RAB31: variants seen among roughly 807,000 people sequenced by gnomAD.
The protein encoded by RAB31 is ras-related protein Rab-31.
RAB31 carries 21 observed loss-of-function variants against 25.6 expected under a neutral mutation model. That is an observed-to-expected ratio of 0.82 (90% CI 0.58 to 1.18). The LOEUF (loss-of-function observed/expected upper bound fraction) is 1.18. Among genes scored for constraint, RAB31 ranks in the 50% most tolerant of loss-of-function variants. The pLI is 0.00. For synonymous variants in RAB31, 87 were observed against 84.0 expected, an observed-to-expected ratio of 1.04 and a Z score of -0.20; for missense variants, 196 against 250.1, an observed-to-expected ratio of 0.78 and a Z score of 1.46.
intron 2 of RAB31, among the ~76,000 whole-genome samples, chr18:9,776,941 G>A (rs374022773): frequency 5.3e-5 from 8 of 152,096 alleles, no homozygotes; most frequent in Admixed American, 1.3e-4. Flanking sequence ...CCAACATGAC[G>A]CTCAAAGGTA....
rs1372919746 is a variant in RAB31 at position 9,862,485 on chromosome 18, C to T, written c.*3160C>T. The T allele has an allele frequency of 6.6e-6, 1 of 152,218 alleles. No homozygotes were observed. The highest frequency in any genetic ancestry group is 2.4e-5 in the African/African-American group (1 of 41,444). The allele number at this position is 152,218 out of a possible 1,614,324, so 9.4% of individuals were successfully genotyped here. A position where few individuals can be genotyped will look rare whatever the true frequency, so the allele number is the denominator to read the frequency against. On this transcript the variant is annotated 3_prime_UTR_variant, in exon 7 of 7. Transcript: ENST00000578921. ...TAGTAAAGCATTTCCATCAACAATG[C>T]CTAATTGTATCTGTTATTTTTGGTT...
At chr18:9,852,029 T>C (rs2068791824) in intron 6 of RAB31, among the ~76,000 whole-genome samples, 1 of 151,940 alleles carries the variant, frequency 6.6e-6, no homozygotes, top group Admixed American at 6.6e-5. Context: ...AGGATACATA[T>C]CAAAATGTTA....
intron 1 of RAB31, among the ~76,000 whole-genome samples, chr18:9,712,606 C>G (rs1046455582): frequency 6.6e-6 from 1 of 152,192 alleles, no homozygotes; most frequent in African/African-American, 2.4e-5. Context: ...GAAAAGTTTC[C>G]CAGTATGCAT....
intron 4 of RAB31, 116 bp from the exon 5 acceptor site, chr18:9,815,000 C>A: frequency 2.8e-6 from 2 of 702,362 alleles, no homozygotes; most frequent in Non-Finnish European, 4.7e-6. Flanking sequence ...TGTTAATCTG[C>A]ATGAGTCTCC....
intron 6 of RAB31, among the ~76,000 whole-genome samples, chr18:9,852,722 A>G (rs1048517683): frequency 3.3e-5 from 5 of 152,150 alleles, no homozygotes; most frequent in Non-Finnish European, 7.3e-5. Flanking sequence ...ATTCATTTAC[A>G]AGTCTTTGTG....
intron 1 of RAB31, among the ~76,000 whole-genome samples, chr18:9,738,892 T>C (rs532510169): frequency 5.3e-5 from 8 of 152,270 alleles, no homozygotes; most frequent in East Asian, 1.9e-4. Flanking sequence ...AGCTTCACAA[T>C]TGAGTTGAAC....
chr18:9,740,599 G>A (rs909169399), intron 1 of RAB31, among the ~76,000 whole-genome samples: 22 of 152,092 alleles, frequency 1.4e-4, no homozygotes, highest in Non-Finnish European at 1.5e-5. Flanking sequence ...TGTAATCCCA[G>A]CTACTCAGGA....
intron 5 of RAB31, among the ~76,000 whole-genome samples, chr18:9,839,137 C>T (rs573504023): frequency 1.8e-4 from 27 of 152,212 alleles, no homozygotes; most frequent in Non-Finnish European, 2.9e-4. Context: ...GATGGTATGA[C>T]GATAGGAGTA....
chr18:9,795,594 C>T (rs980342825), intron 3 of RAB31, among the ~76,000 whole-genome samples: 1 of 152,088 alleles, frequency 6.6e-6, no homozygotes, highest in Admixed American at 6.6e-5. Context: ...AGACACTTCT[C>T]AGAAGAATTT....
chr18:9,740,861 T>C (rs1297812870), intron 1 of RAB31, among the ~76,000 whole-genome samples: 4 of 152,208 alleles, frequency 2.6e-5, no homozygotes, highest in African/African-American at 9.6e-5. Flanking sequence ...TGGAAGTTGC[T>C]GCACAGGGGT....
chr18:9,718,413 C>A (rs1261073600), intron 1 of RAB31, among the ~76,000 whole-genome samples: 1 of 151,956 alleles, frequency 6.6e-6, no homozygotes, highest in Non-Finnish European at 1.5e-5. Context: ...GCATGCGCCA[C>A]CATGCCTGGC....
chr18:9,844,299 C>T (rs770398812), intron 5 of RAB31, among the ~76,000 whole-genome samples: 37 of 152,130 alleles, frequency 2.4e-4, no homozygotes, highest in Non-Finnish European at 4.4e-4. Flanking sequence ...TTTGCAAATC[C>T]GCCATAACAT....
intron 1 of RAB31, among the ~76,000 whole-genome samples, chr18:9,711,906 A>G (rs1307985524): frequency 3.9e-5 from 6 of 152,228 alleles, no homozygotes. Context: ...ACTTGGGGAC[A>G]TGCTTCGCAT....
At chr18:9,773,734 C>T (rs1426913346) in intron 1 of RAB31, among the ~76,000 whole-genome samples, 1 of 152,194 alleles carries the variant, frequency 6.6e-6, no homozygotes, top group Non-Finnish European at 1.5e-5. Flanking sequence ...TCATAGCTCA[C>T]TGCACCCTTG....
intron 1 of RAB31, among the ~76,000 whole-genome samples, chr18:9,712,090 T>A (rs1452927297): frequency 6.6e-6 from 1 of 152,238 alleles, no homozygotes; most frequent in Non-Finnish European, 1.5e-5. Context: ...CCAGGTCTTC[T>A]TTACCTGAAC....
chr18:9,834,423 C>T (rs1264402087), intron 5 of RAB31, among the ~76,000 whole-genome samples: 1 of 152,110 alleles, frequency 6.6e-6, no homozygotes, highest in Non-Finnish European at 1.5e-5. Context: ...GCCCAGTATG[C>T]AGCCTTTTAA....
intron 2 of RAB31, among the ~76,000 whole-genome samples, chr18:9,780,646 T>C (rs1568177315): frequency 6.6e-6 from 1 of 152,182 alleles, no homozygotes; most frequent in African/African-American, 2.4e-5. Context: ...AATAATGTTA[T>C]GAGGCTAGAC....
At position 9,861,766 on chromosome 18, in the gene RAB31, G is replaced by A. The variant is rs1324401711; in HGVS notation, c.*2441G>A. ...CTTCTCCCTTTTTTTTTTCTTTCGT[G>A]TGTGGCATGAGTGTGTATCTGTGTA... On this transcript the variant is annotated 3_prime_UTR_variant, in exon 7 of 7. Coordinates refer to ENST00000578921, the MANE Select transcript of RAB31 (RefSeq NM_006868.4). The A allele has an allele frequency of 6.6e-6, 1 of 150,740 alleles. No individual in the cohort carries two copies. The highest frequency in any genetic ancestry group is 1.5e-5 in the Non-Finnish European group (1 of 67,732). 9.3% of individuals were successfully genotyped at this position (150,740 alleles called of 1,614,324 possible). A position where few individuals can be genotyped will look rare whatever the true frequency, so the allele number is the denominator to read the frequency against.
chr18:9,785,639 A>G (rs2068427943), intron 2 of RAB31, among the ~76,000 whole-genome samples: 1 of 152,154 alleles, frequency 6.6e-6, no homozygotes, highest in South Asian at 2.1e-4. Context: ...CATTCCAGAG[A>G]GAGTCCTGCC....
Sources: gnomAD v4.1 joint callset for allele counts (sites outside exome capture counted in the v4.1 genomes callset) on GRCh38, gnomAD v4.1.1 for gene constraint, MANE v1.5 for transcripts, NCBI Gene and HGNC (gene_info 2026-07-23, HGNC 2026-07-21) for gene names.